The following SAMD3 variants were observed in gnomAD, a reference collection of about 807,000 sequenced individuals.
SAMD3 encodes sterile alpha motif domain containing 3, also known as sterile alpha motif domain-containing protein 3.
Under a neutral mutation model 58.5 loss-of-function variants are expected in SAMD3, and 63 were observed. That is an observed-to-expected ratio of 1.08 (90% CI 0.88 to 1.33). SAMD3 has a LOEUF of 1.33. Among genes scored for constraint, SAMD3 ranks in the 40% most tolerant of loss-of-function variants. The pLI is 0.00. For missense variants in SAMD3, 604 were observed against 608.4 expected, an observed-to-expected ratio of 0.99 and a Z score of 0.08; for synonymous variants, 220 against 210.3, an observed-to-expected ratio of 1.05 and a Z score of -0.40.
At chr6:130,241,017 T>C (rs1315243285) in intron 2 of SAMD3, among the ~76,000 whole-genome samples, 3 of 152,146 alleles carry the variant, frequency 2.0e-5, no homozygotes, top group Non-Finnish European at 4.4e-5. Context: ...TCCTGTTGAA[T>C]TCCTCTTTGG....
At chr6:130,351,160 G>A (rs1318439237) in intron 1 of SAMD3, among the ~76,000 whole-genome samples, 1 of 152,116 alleles carries the variant, frequency 6.6e-6, no homozygotes, top group Non-Finnish European at 1.5e-5. Context: ...CAGGACATAG[G>A]CATGGACAAA....
At chr6:130,144,887 T>C in intron 11 of SAMD3, 83 bp from the exon 12 acceptor site, 1 of 1,221,628 alleles carries the variant, frequency 8.2e-7, no homozygotes, top group Non-Finnish European at 1.1e-6. Flanking sequence ...GGTATTACAA[T>C]AAATCAGCTT....
At chr6:130,358,979 A>T (rs956019404) in intron 1 of SAMD3, among the ~76,000 whole-genome samples, 1 of 152,186 alleles carries the variant, frequency 6.6e-6, no homozygotes, top group African/African-American at 2.4e-5. Context: ...ACAGTTGTTG[A>T]GAGCACAGGC....
At chr6:130,176,133 T>C (rs766829016) in intron 7 of SAMD3, 125 bp from the exon 8 acceptor site, 6 of 766,326 alleles carry the variant, frequency 7.8e-6, no homozygotes, top group Non-Finnish European at 1.4e-5. Context: ...CACATCATGG[T>C]AATAGAAACA....
intron 5 of SAMD3, among the ~76,000 whole-genome samples, chr6:130,201,130 A>G (rs368482524): frequency 1.3e-5 from 2 of 152,036 alleles, no homozygotes; most frequent in South Asian, 2.1e-4. Context: ...ACCTTCATCA[A>G]TTCTTGCTTG....
chr6:130,250,280 C>T lies in SAMD3; in HGVS notation c.-187-27467G>A, dbSNP rs142417972. Among the ~76,000 whole-genome samples the T allele has an allele frequency of 3.5e-3, 539 of 152,268 alleles. 6 individuals carry two copies. Among genetic ancestry groups the T allele is most frequent in the African/African-American group, 0.012 (506 of 41,560 alleles). On this transcript the variant is annotated intron_variant, in intron 2 of 13. Coordinates refer to the SAMD3 transcript ENST00000368134. ...TGACATCTTCCAAAGCTTTCCCCCT[C>T]CTATTCTACGTTATCAAAACAGGGT... is the stretch of plus-strand genomic sequence containing the variant.
Position 130,312,118 on chromosome 6 carries a change from G to A in SAMD3, c.-188+860C>T, listed in dbSNP as rs200491973. Reference sequence around the variant, plus strand: ...GAACAAATTCTTGCTTCTGTGGCTTGTAGCTAAAAGAGGAAAAGGAGACCT... The same window carrying A: ...GAACAAATTCTTGCTTCTGTGGCTTATAGCTAAAAGAGGAAAAGGAGACCT... On this transcript the variant is annotated intron_variant, in intron 2 of 13. Transcript: ENST00000368134. Among the ~76,000 whole-genome samples the A allele has an allele frequency of 1.2e-4, 19 of 152,312 alleles. No individual in the cohort carries two copies. In the East Asian group the frequency reaches 3.7e-3, roughly 29 times the overall value.
intron 5 of SAMD3, among the ~76,000 whole-genome samples, chr6:130,197,298 G>A (rs1053792970): frequency 2.6e-5 from 4 of 152,258 alleles, no homozygotes; most frequent in East Asian, 3.9e-4. Flanking sequence ...CTTATTCACC[G>A]TTCTCAACTA....
At chr6:130,215,704 A>C in intron 2 of SAMD3, 1 of 1,453,244 alleles carries the variant, frequency 6.9e-7, no homozygotes, top group Admixed American at 2.5e-5. Context: ...CATTTACAGA[A>C]GGGGTGGGCA....
intron 2 of SAMD3, among the ~76,000 whole-genome samples, chr6:130,228,558 T>C (rs1286189389): frequency 1.3e-5 from 2 of 151,792 alleles, no homozygotes; most frequent in African/African-American, 4.8e-5. Flanking sequence ...TTCAAGAGGG[T>C]GGGTCATAGG....
chr6:130,352,378 T>C (rs1245104253), intron 1 of SAMD3, among the ~76,000 whole-genome samples: 2 of 152,282 alleles, frequency 1.3e-5, no homozygotes, highest in East Asian at 3.9e-4. Flanking sequence ...AACTCAAGTA[T>C]GCCTCACAAC....
chr6:130,147,337 A>G (rs183827794), intron 9 of SAMD3, among the ~76,000 whole-genome samples: 71 of 152,354 alleles, frequency 4.7e-4, no homozygotes, highest in Admixed American at 4.2e-3. Context: ...CATAAGGCAT[A>G]GTGGCTTTGT....
intron 1 of SAMD3, among the ~76,000 whole-genome samples, chr6:130,346,608 C>T (rs1359251898): frequency 2.6e-5 from 4 of 152,232 alleles, no homozygotes; most frequent in Admixed American, 6.5e-5. Flanking sequence ...GAGCCCACCA[C>T]AGCCCAAGGA....
At chr6:130,285,749 C>T (rs1292075614) in intron 2 of SAMD3, among the ~76,000 whole-genome samples, 1 of 152,172 alleles carries the variant, frequency 6.6e-6, no homozygotes, top group African/African-American at 2.4e-5. Context: ...TTTAAAAGTC[C>T]ATCTTATTCC....
intron 1 of SAMD3, among the ~76,000 whole-genome samples, chr6:130,218,269 C>G (rs1397625409): frequency 2.0e-5 from 3 of 152,202 alleles, no homozygotes; most frequent in Admixed American, 2.0e-4. Flanking sequence ...ATTCCAAGTT[C>G]CCACACCAGA....
intron 1 of SAMD3, among the ~76,000 whole-genome samples, chr6:130,360,251 A>G (rs1777944625): frequency 6.6e-6 from 1 of 152,222 alleles, no homozygotes; most frequent in Non-Finnish European, 1.5e-5. Flanking sequence ...TGAAAAATGA[A>G]TGTGCCAACG....
chr6:130,149,976 A>C (rs866964037), intron 9 of SAMD3, among the ~76,000 whole-genome samples: 1 of 152,280 alleles, frequency 6.6e-6, no homozygotes, highest in Admixed American at 6.5e-5. Flanking sequence ...AATTTCTATT[A>C]ATCTATCTGC....
chr6:130,149,379 A>G (rs1046165772), intron 9 of SAMD3, among the ~76,000 whole-genome samples: 6 of 152,272 alleles, frequency 3.9e-5, no homozygotes, highest in African/African-American at 1.4e-4. Context: ...TACTGGGTAT[A>G]TACCCAAAGG....
chr6:130,258,611 C>T (rs1436546858), intron 2 of SAMD3, among the ~76,000 whole-genome samples: 1 of 152,130 alleles, frequency 6.6e-6, no homozygotes, highest in Non-Finnish European at 1.5e-5. Context: ...CTAACTATCA[C>T]ACACAAAAGA....
Sources: allele counts gnomAD v4.1 joint callset (sites outside exome capture counted in the v4.1 genomes callset), GRCh38; gene constraint gnomAD v4.1.1; transcripts MANE v1.5; gene names NCBI Gene and HGNC (gene_info 2026-07-23, HGNC 2026-07-21).